The following SPAG16 variants were observed in gnomAD, a reference collection of about 807,000 sequenced individuals.
SPAG16 encodes sperm-associated antigen 16 protein.
SPAG16 carries 86 observed loss-of-function variants against 80.4 expected under a neutral mutation model. The observed-to-expected ratio is 1.07, with a 90% confidence interval of 0.90 to 1.28. The LOEUF (loss-of-function observed/expected upper bound fraction) is 1.28. Ranked by LOEUF, SPAG16 falls within the 50% of genes most tolerant of loss-of-function variation. The pLI is 0.00. For missense variants in SPAG16, 870 were observed against 765.3 expected (o/e 1.14, Z -1.61); for synonymous variants, 294 against 265.9 (o/e 1.11, Z -1.03).
intron 12 of SPAG16, among the ~76,000 whole-genome samples, chr2:213,931,518 T>C (rs1016635928): frequency 6.6e-6 from 1 of 152,192 alleles, no homozygotes; most frequent in African/African-American, 2.4e-5. Context: ...GAATTTTGTA[T>C]CACTTTTGAC....
intron 10 of SPAG16, among the ~76,000 whole-genome samples, chr2:213,678,275 G>T (rs1247180213): frequency 4.6e-5 from 7 of 152,044 alleles, no homozygotes; most frequent in Non-Finnish European, 7.4e-5. Context: ...AATCAGAGCA[G>T]AACTGAAGGA....
intron 3 of SPAG16, among the ~76,000 whole-genome samples, chr2:213,302,799 G>T (rs1470219029): frequency 6.6e-6 from 1 of 152,054 alleles, no homozygotes; most frequent in Non-Finnish European, 1.5e-5. Flanking sequence ...GTGTGTGCAT[G>T]GTGCACATTC....
At chr2:213,530,009 G>A (rs2076016539) in intron 10 of SPAG16, among the ~76,000 whole-genome samples, 1 of 152,058 alleles carries the variant, frequency 6.6e-6, no homozygotes, top group African/African-American at 2.4e-5. Context: ...TGTCCCACTG[G>A]ACGATCTTCA....
intron 15 of SPAG16, among the ~76,000 whole-genome samples, chr2:214,347,478 A>G (rs1698130487): frequency 1.3e-5 from 2 of 152,172 alleles, no homozygotes; most frequent in South Asian, 4.1e-4. Context: ...GTAAAATATT[A>G]CCCTGGGGAA....
intron 3 of SPAG16, among the ~76,000 whole-genome samples, chr2:213,300,556 A>T (rs2062697953): frequency 6.6e-6 from 1 of 152,194 alleles, no homozygotes; most frequent in South Asian, 2.1e-4. Context: ...AAATGCAGAA[A>T]AAAATATGGG....
chr2:214,177,925 A>ATATG (rs2057159981), intron 15 of SPAG16, among the ~76,000 whole-genome samples: 1 of 134,654 alleles, frequency 7.4e-6, no homozygotes, highest in African/African-American at 2.8e-5. Context: ...ACATATATAT[A>ATATG]TATATATATG....
chr2:214,201,160 C>T (rs74689219), intron 15 of SPAG16, among the ~76,000 whole-genome samples: 1 of 152,272 alleles, frequency 6.6e-6, no homozygotes, highest in African/African-American at 2.4e-5. Context: ...AATTTGTCTA[C>T]AGGGCCACAA....
chr2:213,741,433 T>C (rs563496513), intron 10 of SPAG16, among the ~76,000 whole-genome samples: 1 of 152,220 alleles, frequency 6.6e-6, no homozygotes, highest in African/African-American at 2.4e-5. Context: ...AGCAAATATC[T>C]GTTAGGATCA....
chr2:214,205,004 G>A (rs62196173), intron 15 of SPAG16, among the ~76,000 whole-genome samples: 7,617 of 152,220 alleles, frequency 0.05, 313 homozygotes, highest in Non-Finnish European at 0.073. Flanking sequence ...TGAGGCAGGT[G>A]GATCACTTGA....
intron 13 of SPAG16, among the ~76,000 whole-genome samples, chr2:214,062,526 A>G (rs1417861914): frequency 6.6e-6 from 1 of 151,808 alleles, no homozygotes; most frequent in Non-Finnish European, 1.5e-5. Flanking sequence ...ACCCATTTCA[A>G]TTGATGGCAA....
At chr2:214,044,030 A>G (rs1026028563) in intron 13 of SPAG16, among the ~76,000 whole-genome samples, 2 of 152,034 alleles carry the variant, frequency 1.3e-5, no homozygotes, top group African/African-American at 2.4e-5. Flanking sequence ...TATATAGAGT[A>G]AGAATTATAT....
chr2:213,556,327 A>AC (rs2059424440), intron 10 of SPAG16, among the ~76,000 whole-genome samples: 1 of 150,740 alleles, frequency 6.6e-6, no homozygotes, highest in Non-Finnish European at 1.5e-5. Context: ...AAAAAAAAAA[A>AC]CAAGATCTAA....
intron 6 of SPAG16, among the ~76,000 whole-genome samples, chr2:213,341,030 T>A (rs4673739): frequency 1.3e-5 from 2 of 151,948 alleles, no homozygotes; most frequent in Non-Finnish European, 2.9e-5. Context: ...AAGAATACTT[T>A]TCACATAAAA....
intron 12 of SPAG16, among the ~76,000 whole-genome samples, chr2:213,968,189 C>T (rs1371658192): frequency 2.9e-5 from 4 of 136,452 alleles, no homozygotes; most frequent in Admixed American, 2.3e-4. Flanking sequence ...TTTTCTTTTC[C>T]TTTCCTCCAG....
intron 11 of SPAG16, among the ~76,000 whole-genome samples, chr2:213,869,706 TAA>T (rs1451922963): frequency 6.6e-6 from 1 of 151,658 alleles, no homozygotes. Context: ...AGAAAAGTGT[TAA>T]AAAGAAAATA....
At chr2:213,680,756 A>G (rs1477774328) in intron 10 of SPAG16, among the ~76,000 whole-genome samples, 1 of 152,196 alleles carries the variant, frequency 6.6e-6, no homozygotes, top group African/African-American at 2.4e-5. Context: ...TCCTGAGAAC[A>G]TGTGCTCAAG....
chr2:214,193,395 ATGTGTGTGTG>A (rs60839638), intron 15 of SPAG16, among the ~76,000 whole-genome samples: 4 of 124,358 alleles, frequency 3.2e-5, no homozygotes, highest in East Asian at 2.4e-4. Context: ...GAGATCTTTT[ATGTGTGTGTG>A]TGTGTGTGTG....
intron 15 of SPAG16, among the ~76,000 whole-genome samples, chr2:214,171,499 C>G (rs1454704593): frequency 6.6e-6 from 1 of 151,886 alleles, no homozygotes; most frequent in Non-Finnish European, 1.5e-5. Context: ...TATTGAGGGC[C>G]TTTGACTCTA....
chr2:213,973,279 G>T (rs1336122722), intron 12 of SPAG16, among the ~76,000 whole-genome samples: 1 of 151,980 alleles, frequency 6.6e-6, no homozygotes, highest in Non-Finnish European at 1.5e-5. Context: ...CCAAGATTTA[G>T]GCAGTCAGTT....
Sources: gnomAD v4.1 joint callset for allele counts (sites outside exome capture counted in the v4.1 genomes callset) on GRCh38, gnomAD v4.1.1 for gene constraint, MANE v1.5 for transcripts, NCBI Gene and HGNC (gene_info 2026-07-23, HGNC 2026-07-21) for gene names.